CADM1: variants seen among roughly 807,000 people sequenced by gnomAD.
CADM1 encodes cell adhesion molecule 1.
Under a neutral mutation model 53.1 loss-of-function variants are expected in CADM1, and 15 were observed. The observed-to-expected ratio is 0.28, with a 90% CI of 0.19 to 0.44. The LOEUF is 0.44. CADM1 is among the 20% of genes least tolerant of loss of function. CADM1 has a pLI of 1.00. For synonymous variants in CADM1, 281 were observed against 243.0 expected (o/e 1.16, Z -1.45); for missense variants, 434 against 611.3 (o/e 0.71, Z 3.06).
At chr11:115,336,989 T>G (rs10891833) in intron 1 of CADM1, among the ~76,000 whole-genome samples, 68,402 of 151,980 alleles carry the variant, frequency 0.45, 17,252 homozygotes, top group Non-Finnish European at 0.59. Flanking sequence ...ATTTCAAAGA[T>G]GCCATCTTCA....
intron 1 of CADM1, among the ~76,000 whole-genome samples, chr11:115,462,813 A>G (rs531173538): frequency 2.0e-5 from 3 of 152,228 alleles, no homozygotes; most frequent in Non-Finnish European, 4.4e-5. Flanking sequence ...TTTGCGTGGC[A>G]GTCTATATGG....
intron 1 of CADM1, among the ~76,000 whole-genome samples, chr11:115,317,492 G>A (rs908991904): frequency 2.0e-4 from 30 of 152,162 alleles, no homozygotes; most frequent in African/African-American, 6.8e-4. Flanking sequence ...CTATTAGAAC[G>A]TTAATTGTTC....
At chr11:115,327,935 G>A (rs1945003515) in intron 1 of CADM1, among the ~76,000 whole-genome samples, 1 of 152,066 alleles carries the variant, frequency 6.6e-6, no homozygotes, top group African/African-American at 2.4e-5. Flanking sequence ...TTCTTTGTCT[G>A]TCTATTAAGA....
intron 1 of CADM1, among the ~76,000 whole-genome samples, chr11:115,373,206 T>G (rs770847879): frequency 1.3e-5 from 2 of 152,148 alleles, no homozygotes; most frequent in African/African-American, 2.4e-5. Flanking sequence ...AGAAGTGAAA[T>G]AACTCAACTT....
intron 1 of CADM1, among the ~76,000 whole-genome samples, chr11:115,290,454 T>C (rs1943858908): frequency 6.6e-6 from 1 of 152,138 alleles, no homozygotes; most frequent in Admixed American, 6.5e-5. Flanking sequence ...GCGGGAGAAA[T>C]GCATTTTTTT....
At chr11:115,223,973 A>AAAG (rs59495248) in intron 5 of CADM1, among the ~76,000 whole-genome samples, 13,336 of 92,620 alleles carry the variant, frequency 0.14, 1,122 homozygotes, top group Middle Eastern at 0.22. Flanking sequence ...AAAAAAAAAA[A>AAAG]AGAGAGAGAG....
At chr11:115,295,057 A>C (rs1328437827) in intron 1 of CADM1, among the ~76,000 whole-genome samples, 2 of 152,076 alleles carry the variant, frequency 1.3e-5, no homozygotes, top group African/African-American at 2.4e-5. Flanking sequence ...ACAACAACAA[A>C]AAGAATTATA....
In CADM1 at chr11:115,441,594, A is replaced by C. The variant is rs12276411; in HGVS notation, c.124+62677T>G. 5.1e-3 allele frequency among the ~76,000 whole-genome samples: 777 copies of C among 152,302 alleles called. 6 individuals are homozygous for C. The highest frequency in any genetic ancestry group is 0.018 in the African/African-American group (746 of 41,556). ...TATCACTATGCTATTAAATTTGTGA[A>C]TATGATCAAACTTTATAGAAAATGA... On this transcript the variant is annotated intron_variant, in intron 1 of 11. Transcript: ENST00000331581.
chr11:115,461,070 A>C (rs1948784576), intron 1 of CADM1, among the ~76,000 whole-genome samples: 1 of 152,070 alleles, frequency 6.6e-6, no homozygotes, highest in South Asian at 2.1e-4. Context: ...ATACAGATTT[A>C]CTGGGTTCCT....
intron 1 of CADM1, among the ~76,000 whole-genome samples, chr11:115,243,847 T>C (rs895899814): frequency 5.3e-5 from 8 of 152,182 alleles, no homozygotes; most frequent in Non-Finnish European, 7.3e-5. Flanking sequence ...GCAGATATAA[T>C]GTCAAGGCAG....
intron 1 of CADM1, among the ~76,000 whole-genome samples, chr11:115,468,213 T>C (rs773788872): frequency 2.0e-4 from 30 of 152,174 alleles, no homozygotes; most frequent in Non-Finnish European, 4.0e-4. Context: ...AATAGATACA[T>C]GTTCATTGGG....
At chr11:115,210,852 G>T (rs1429387781) in intron 7 of CADM1, among the ~76,000 whole-genome samples, 1 of 152,064 alleles carries the variant, frequency 6.6e-6, no homozygotes, top group Non-Finnish European at 1.5e-5. Flanking sequence ...ATCTACCATC[G>T]ATCAACAATC....
chr11:115,465,464 T>G (rs893684895), intron 1 of CADM1, among the ~76,000 whole-genome samples: 8 of 152,134 alleles, frequency 5.3e-5, no homozygotes, highest in Non-Finnish European at 1.2e-4. Flanking sequence ...ACCCACAACC[T>G]TTCCCCAGGT....
At chr11:115,467,878 A>G (rs1002711180) in intron 1 of CADM1, among the ~76,000 whole-genome samples, 2 of 152,228 alleles carry the variant, frequency 1.3e-5, no homozygotes, top group African/African-American at 2.4e-5. Context: ...AGTCACATCC[A>G]TACATCCTCT....
At chr11:115,415,438 C>T in intron 1 of CADM1, among the ~76,000 whole-genome samples, 1 of 152,076 alleles carries the variant, frequency 6.6e-6, no homozygotes, top group Admixed American at 6.6e-5. Flanking sequence ...TTTAAAGAGT[C>T]TGCTTGAGTT....
At position 115,173,753 on chromosome 11, in the gene CADM1, A is replaced by T; in HGVS notation, c.*2721T>A. ...AAAATGCGAATGGGAACATATGGAT[A>T]TGGAGTTTCTTACACTGTAACATTG... On this transcript the variant is annotated 3_prime_UTR_variant, in exon 12 of 12. Coordinates refer to ENST00000331581, the MANE Select transcript of CADM1 (RefSeq NM_001301043.2). The T allele has an allele frequency of 1.0e-6, 1 of 972,700 alleles. No individual in the cohort carries two copies. Among genetic ancestry groups the T allele is most frequent in the Non-Finnish European group, 1.2e-6 (1 of 818,964 alleles). 60.3% of individuals were successfully genotyped at this position (972,700 alleles called of 1,614,324 possible). A position where few individuals can be genotyped will look rare whatever the true frequency, so the allele number is the denominator to read the frequency against.
chr11:115,421,278 G>A (rs147648922), intron 1 of CADM1, among the ~76,000 whole-genome samples: 4 of 152,310 alleles, frequency 2.6e-5, no homozygotes, highest in African/African-American at 9.6e-5. Flanking sequence ...AGAAATCAAA[G>A]CAAGCCAGTG....
rs1331531547 is a variant in CADM1 at position 115,174,157 on chromosome 11, A to G, written c.*2317T>C. On this transcript the variant is annotated 3_prime_UTR_variant, in exon 12 of 12. Coordinates refer to ENST00000331581, the MANE Select transcript of CADM1 (RefSeq NM_001301043.2). ...ACACATGAACCTGAGACATGTCAAC[A>G]TTGTAAGCCATAAAGTTACATCAGG... 2 of 985,350 alleles carry G rather than the reference A, an allele frequency of 2.0e-6. No homozygotes were observed. The highest frequency in any genetic ancestry group is 6.1e-5 in the Admixed American group (1 of 16,266). The allele number at this position is 985,350 out of a possible 1,614,324, so 61.0% of individuals were successfully genotyped here.
intron 1 of CADM1, among the ~76,000 whole-genome samples, chr11:115,334,855 A>T (rs1945226164): frequency 6.6e-6 from 1 of 152,154 alleles, no homozygotes; most frequent in Non-Finnish European, 1.5e-5. Flanking sequence ...TGTGTTCTTA[A>T]CAGAAGACTG....
Sources: allele counts gnomAD v4.1 joint callset (sites outside exome capture counted in the v4.1 genomes callset), GRCh38; gene constraint gnomAD v4.1.1; transcripts MANE v1.5; gene names NCBI Gene and HGNC (gene_info 2026-07-23, HGNC 2026-07-21).